The following XRCC4 variants were observed in gnomAD, a reference collection of about 807,000 sequenced individuals.
XRCC4 encodes the protein DNA repair protein XRCC4.
Under a neutral mutation model 39.1 loss-of-function variants are expected in XRCC4, and 28 were observed. The observed-to-expected ratio is 0.72, with a 90% CI of 0.53 to 0.98. The LOEUF (loss-of-function observed/expected upper bound fraction) is 0.98, where lower values mean the gene tolerates loss of function less well. Ranked by LOEUF, XRCC4 falls within the 50% of genes least tolerant of loss-of-function variation. The probability of loss-of-function intolerance (pLI) is 0.00; values close to 1 mark genes in which losing one functional copy is unlikely to be tolerated. For synonymous variants in XRCC4, 123 were observed against 126.4 expected, an observed-to-expected ratio of 0.97 and a Z score of 0.18; for missense variants, 350 against 376.4, an observed-to-expected ratio of 0.93 and a Z score of 0.58.
intron 6 of XRCC4, among the ~76,000 whole-genome samples, chr5:83,214,703 G>T (rs1237986754): frequency 6.6e-6 from 1 of 151,860 alleles, no homozygotes; most frequent in African/African-American, 2.4e-5. Flanking sequence ...CGGGCATCGT[G>T]TGGGCGCCTG....
intron 3 of XRCC4, among the ~76,000 whole-genome samples, chr5:83,182,378 TC>T (rs1216479526): frequency 6.6e-6 from 1 of 152,176 alleles, no homozygotes; most frequent in African/African-American, 2.4e-5. Flanking sequence ...TAATTTATCT[TC>T]TAATTCAGGA....
intron 4 of XRCC4, among the ~76,000 whole-genome samples, chr5:83,199,108 A>G (rs1279355557): frequency 6.6e-6 from 1 of 152,186 alleles, no homozygotes; most frequent in Non-Finnish European, 1.5e-5. Context: ...TCAAAATAAA[A>G]GACCTTGAAA....
chr5:83,225,881 G>T (rs1055930344), intron 6 of XRCC4, among the ~76,000 whole-genome samples: 4 of 151,816 alleles, frequency 2.6e-5, no homozygotes, highest in African/African-American at 7.2e-5. Flanking sequence ...TTGAATGCCT[G>T]TTAAAAATCA....
chr5:83,229,763 G>T (rs1481894423), intron 6 of XRCC4, among the ~76,000 whole-genome samples: 6 of 141,370 alleles, frequency 4.2e-5, no homozygotes, highest in African/African-American at 1.1e-4. Context: ...TAAACTGTTT[G>T]GTCTTTAATA....
intron 6 of XRCC4, among the ~76,000 whole-genome samples, chr5:83,246,120 A>G (rs910726731): frequency 3.3e-5 from 5 of 152,060 alleles, no homozygotes; most frequent in Admixed American, 6.6e-5. Context: ...TCCAACTGAT[A>G]TACCAGTATG....
At chr5:83,373,540 G>T in the XRCC4 span, among the ~76,000 whole-genome samples, 1 of 152,150 alleles carries the variant, frequency 6.6e-6, no homozygotes, top group Non-Finnish European at 1.5e-5. Flanking sequence ...ACTTTCTAAA[G>T]TGAGACAGCA....
chr5:83,363,250 C>G, the XRCC4 span, among the ~76,000 whole-genome samples: 1 of 151,954 alleles, frequency 6.6e-6, no homozygotes, highest in Admixed American at 6.6e-5. Flanking sequence ...GTACTCTCAG[C>G]CACTTGTGAG....
intron 1 of XRCC4, among the ~76,000 whole-genome samples, chr5:83,092,699 G>T (rs911520863): frequency 2.0e-5 from 3 of 151,998 alleles, no homozygotes; most frequent in Non-Finnish European, 4.4e-5. Context: ...GCTGCTATCA[G>T]GTTAAAATAG....
At chr5:83,088,354 T>C in intron 1 of XRCC4, among the ~76,000 whole-genome samples, 1 of 152,336 alleles carries the variant, frequency 6.6e-6, no homozygotes, top group South Asian at 2.1e-4. Flanking sequence ...AAAGTGTCAT[T>C]ACTTTTTTTT....
chr5:83,191,784 C>G (rs947960424), intron 3 of XRCC4, among the ~76,000 whole-genome samples: 4 of 152,204 alleles, frequency 2.6e-5, no homozygotes, highest in African/African-American at 4.8e-5. Flanking sequence ...ACTTGCTCCT[C>G]CTTGCCTTCT....
intron 3 of XRCC4, among the ~76,000 whole-genome samples, chr5:83,133,832 T>C (rs937503889): frequency 2.0e-5 from 3 of 152,208 alleles, no homozygotes; most frequent in Non-Finnish European, 2.9e-5. Context: ...TCCTTGGCCT[T>C]GTCGTCTGCT....
At chr5:83,218,647 T>C (rs554595186) in intron 6 of XRCC4, among the ~76,000 whole-genome samples, 8 of 152,258 alleles carry the variant, frequency 5.3e-5, no homozygotes, top group Non-Finnish European at 1.2e-4. Flanking sequence ...TTGTTGTAAA[T>C]GGTAAAAACA....
intron 1 of XRCC4, among the ~76,000 whole-genome samples, chr5:83,084,633 A>C (rs1315731898): frequency 1.3e-5 from 2 of 152,196 alleles, no homozygotes; most frequent in Non-Finnish European, 2.9e-5. Context: ...GATGTTGCAA[A>C]GATTTTCTTT....
intron 3 of XRCC4, among the ~76,000 whole-genome samples, chr5:83,156,962 A>G (rs565443877): frequency 6.6e-6 from 1 of 152,202 alleles, no homozygotes; most frequent in Non-Finnish European, 1.5e-5. Context: ...TGTAAGGGAC[A>G]CTTAGACCAC....
chr5:83,310,947 TCCCTTCGAGCCTCCGGAGGGAGTGTAGC>T, intron 7 of XRCC4: 1 of 429,358 alleles, frequency 2.3e-6, no homozygotes, highest in Non-Finnish European at 4.7e-6. Flanking sequence ...AAACTGATCT[TCCCTTCGAGCCTCCGGAGGGAGTGTAGC>T]CCTGCCAACA....
intron 3 of XRCC4, among the ~76,000 whole-genome samples, chr5:83,171,752 C>T (rs1749736846): frequency 6.6e-6 from 1 of 152,096 alleles, no homozygotes; most frequent in Non-Finnish European, 1.5e-5. Context: ...AACTTTATCC[C>T]ATCAACTCTT....
intron 7 of XRCC4, among the ~76,000 whole-genome samples, chr5:83,262,279 G>T (rs1031156198): frequency 6.6e-6 from 1 of 152,044 alleles, no homozygotes; most frequent in Non-Finnish European, 1.5e-5. Context: ...TCCTCAACTG[G>T]GTTTATAATC....
intron 1 of XRCC4, among the ~76,000 whole-genome samples, chr5:83,101,781 C>A (rs1359789831): frequency 6.6e-6 from 1 of 151,920 alleles, no homozygotes; most frequent in Non-Finnish European, 1.5e-5. Flanking sequence ...ATGACAAGGT[C>A]AGAGAGATAA....
At chr5:83,309,296 A>AAAAAAATATATATATATAT (rs1561467702) in intron 7 of XRCC4, among the ~76,000 whole-genome samples, 7 of 72,226 alleles carry the variant, frequency 9.7e-5, no homozygotes, top group Non-Finnish European at 1.2e-4. Context: ...AAAAAAAAAA[A>AAAAAAATATATATATATAT]ATATATATAT....
Sources: allele counts gnomAD v4.1 joint callset (sites outside exome capture counted in the v4.1 genomes callset), GRCh38; gene constraint gnomAD v4.1.1; transcripts MANE v1.5; gene names NCBI Gene and HGNC (gene_info 2026-07-23, HGNC 2026-07-21).